Variants in LZTS1 observed in about 807,000 individuals in gnomAD.
LZTS1 encodes leucine zipper tumor suppressor 1.
In LZTS1, 31 loss-of-function variants were observed where a neutral mutation model predicts 45.8. That is an observed-to-expected ratio of 0.68 (90% CI 0.51 to 0.91). The LOEUF is 0.91. Among genes scored for constraint, LZTS1 ranks in the 40% least tolerant of loss-of-function variants. The probability of loss-of-function intolerance (pLI) is 0.00; values close to 1 mark genes in which losing one functional copy is unlikely to be tolerated. For missense variants in LZTS1, 821 were observed against 788.9 expected (o/e 1.04, Z -0.49); for synonymous variants, 359 against 357.3 (o/e 1.00, Z -0.05).
At chr8:20,298,591 G>A (rs192924206) in intron 1 of LZTS1, among the ~76,000 whole-genome samples, 32 of 152,318 alleles carry the variant, frequency 2.1e-4, no homozygotes, top group South Asian at 1.2e-3. Context: ...GGCTGGATGC[G>A]GTGGCTCACA....
chr8:20,287,329 G>A (rs1233210292), intron 1 of LZTS1, among the ~76,000 whole-genome samples: 1 of 152,256 alleles, frequency 6.6e-6, no homozygotes, highest in African/African-American at 2.4e-5. Context: ...GCCCTGGAAG[G>A]CAGGGACTCT....
At chr8:20,288,485 C>A (rs372952251) in intron 1 of LZTS1, among the ~76,000 whole-genome samples, 1 of 152,178 alleles carries the variant, frequency 6.6e-6, no homozygotes. Context: ...AGGTATGGGA[C>A]GATGTACGAC....
At chr8:20,281,325 T>C (rs1800687436) in intron 1 of LZTS1, among the ~76,000 whole-genome samples, 1 of 150,668 alleles carries the variant, frequency 6.6e-6, no homozygotes, top group Admixed American at 6.7e-5. Context: ...TTTGGGAGGC[T>C]GAGGTGGGCA....
At chr8:20,268,270 C>T (rs2128895572) in intron 1 of LZTS1, among the ~76,000 whole-genome samples, 1 of 151,730 alleles carries the variant, frequency 6.6e-6, no homozygotes, top group Admixed American at 6.6e-5. Context: ...CATCTGCCAG[C>T]TGGGGCTGGG....
At chr8:20,288,187 G>C (rs74715647) in intron 1 of LZTS1, among the ~76,000 whole-genome samples, 2,198 of 152,212 alleles carry the variant, frequency 0.014, 22 homozygotes, top group Non-Finnish European at 0.022. Flanking sequence ...TCTTCCCACT[G>C]TCTCCCTCCC....
intron 1 of LZTS1, among the ~76,000 whole-genome samples, chr8:20,263,765 G>A (rs1172630980): frequency 6.6e-6 from 1 of 152,104 alleles, no homozygotes; most frequent in Admixed American, 6.5e-5. Context: ...TGGTCAGAGG[G>A]GCAGGCCCTC....
chr8:20,266,224 G>A (rs1800351658), intron 1 of LZTS1, among the ~76,000 whole-genome samples: 1 of 152,066 alleles, frequency 6.6e-6, no homozygotes, highest in African/African-American at 2.4e-5. Flanking sequence ...GGCAGGGCTT[G>A]CTATGTTGCC....
At chr8:20,281,571 C>CA (rs1005903913) in intron 1 of LZTS1, among the ~76,000 whole-genome samples, 69 of 148,770 alleles carry the variant, frequency 4.6e-4, no homozygotes, top group Admixed American at 6.0e-4. Flanking sequence ...AACTCTGTCT[C>CA]AAAAAAAAAA....
chr8:20,293,731 A>C (rs1482393135), intron 1 of LZTS1, among the ~76,000 whole-genome samples: 1 of 152,148 alleles, frequency 6.6e-6, no homozygotes, highest in Non-Finnish European at 1.5e-5. Context: ...CCAGGAGTTC[A>C]AAACCAGCCT....
intron 1 of LZTS1, among the ~76,000 whole-genome samples, chr8:20,283,790 C>T (rs1010751894): frequency 2.0e-5 from 3 of 152,138 alleles, no homozygotes; most frequent in African/African-American, 7.2e-5. Context: ...GGTCTTCTGG[C>T]TGCAACTTCA....
At chr8:20,270,484 C>T (rs1800449554) in intron 1 of LZTS1, among the ~76,000 whole-genome samples, 1 of 152,162 alleles carries the variant, frequency 6.6e-6, no homozygotes, top group Non-Finnish European at 1.5e-5. Context: ...ATTAAGGGAA[C>T]TTTGGAGCTT....
At chr8:20,271,491 G>C (rs114489383) in intron 1 of LZTS1, among the ~76,000 whole-genome samples, 2 of 152,148 alleles carry the variant, frequency 1.3e-5, no homozygotes, top group South Asian at 2.1e-4. Context: ...CAGCAGCAAG[G>C]CCAGAGGTGC....
chr8:20,250,136 G>A lies in LZTS1; in HGVS notation c.1377C>T (p.Asn459=), dbSNP rs778781223. ...VCENELQRKK[N]EAELLREKVN... is the part of the protein sequence containing the mutation. Reference sequence around the variant, plus strand: ...CCTTCTCCCGCAGCAGCTCCGCCTCGTTCTTCTTGCGCTGCAGCTCATTCT... The same window carrying A: ...CCTTCTCCCGCAGCAGCTCCGCCTCATTCTTCTTGCGCTGCAGCTCATTCT... The change falls in exon 4 of 4, where the codon AAC becomes AAT. Residue 459 remains asparagine (N), a synonymous_variant. Coordinates refer to ENST00000381569, the MANE Select transcript of LZTS1 (RefSeq NM_021020.5). The A allele has an allele frequency of 4.5e-5, 72 of 1,608,076 alleles. No homozygotes were observed. The highest frequency in any genetic ancestry group is 2.2e-4 in the East Asian group (10 of 44,854).
intron 1 of LZTS1, among the ~76,000 whole-genome samples, chr8:20,292,713 G>A (rs749434358): frequency 6.6e-5 from 10 of 152,134 alleles, no homozygotes; most frequent in Non-Finnish European, 1.2e-4. Flanking sequence ...GCCCCCTGGG[G>A]CAAACCTGCC....
At position 20,252,982 on chromosome 8, in the gene LZTS1, G is replaced by T; in HGVS notation, c.949C>A (p.Leu317Ile). Residue 317 changes from leucine (L) to isoleucine (I), a missense_variant, in exon 3 of 4, where the codon CTC becomes ATC. Physicochemically the swap from Leu to Ile is conservative, Grantham distance 5 (BLOSUM62 2). Transcript: ENST00000381569. ...TGGCTCTTCTGCGAGGCCTGCTTGAGCTTGTTGCCGCCTTTGGGCTCCGGG... is the reference window on the plus strand; with the variant it reads ...TGGCTCTTCTGCGAGGCCTGCTTGATCTTGTTGCCGCCTTTGGGCTCCGGG... The part of the protein sequence containing the change: ...EGPEPKGGNK[L>I]KQASQKSQRA... 1 of 1,587,406 alleles carries T rather than the reference G, an allele frequency of 6.3e-7. No homozygotes were observed.
chr8:20,259,564 G>A (rs1314607237), intron 1 of LZTS1, among the ~76,000 whole-genome samples: 1 of 152,134 alleles, frequency 6.6e-6, no homozygotes, highest in Non-Finnish European at 1.5e-5. Flanking sequence ...TTCCCACTGT[G>A]TTAGAGTACA....
intron 1 of LZTS1, among the ~76,000 whole-genome samples, chr8:20,280,823 T>C (rs1419755455): frequency 1.3e-5 from 2 of 152,140 alleles, no homozygotes; most frequent in African/African-American, 4.8e-5. Context: ...ACTCCCTACC[T>C]TCCACCTGGA....
intron 1 of LZTS1, among the ~76,000 whole-genome samples, chr8:20,301,075 C>T (rs1287874326): frequency 1.4e-5 from 2 of 146,344 alleles, no homozygotes; most frequent in Admixed American, 7.0e-5. Flanking sequence ...GAGCCAAGAT[C>T]GCACCACTGC....
chr8:20,252,857 C>T lies in LZTS1; in HGVS notation c.1074G>A (p.Leu358=), dbSNP rs563181880. The change falls in exon 3 of 4, where the codon CTG becomes CTA. Residue 358 remains leucine (L), a synonymous_variant. Transcript: ENST00000381569. ...ELESLMKEQD[L]LETKLRSYER... is the part of the protein sequence containing the mutation. ...CGTAGGACCTGAGCTTGGTCTCCAG[C>T]AGGTCCTGCTCCTTCATGAGGCTCT... is the stretch of plus-strand genomic sequence containing the variant. 4.4e-6 allele frequency: 7 copies of T among 1,596,166 alleles called. No individual in the cohort carries two copies. The East Asian group carries it at 1.1e-4, about 26-fold the overall frequency.
Sources: gnomAD v4.1 joint callset for allele counts (sites outside exome capture counted in the v4.1 genomes callset) on GRCh38, gnomAD v4.1.1 for gene constraint, MANE v1.5 for transcripts, NCBI Gene and HGNC (gene_info 2026-07-23, HGNC 2026-07-21) for gene names.